The following ACAN variants were observed in gnomAD, a reference collection of about 807,000 sequenced individuals.
ACAN encodes aggrecan.
A neutral mutation model predicts 169.1 loss-of-function variants in ACAN; 47 were observed. The observed-to-expected ratio is 0.28, with a 90% CI of 0.22 to 0.35. The LOEUF (loss-of-function observed/expected upper bound fraction) is 0.35. ACAN is among the 10% of genes least tolerant of loss of function. ACAN has a pLI of 1.00. For synonymous variants in ACAN, 1,115 were observed against 1,112.2 expected, an observed-to-expected ratio of 1.00 and a Z score of -0.05; for missense variants, 2,716 against 2,759.9, an observed-to-expected ratio of 0.98 and a Z score of 0.36.
intron 2 of ACAN, among the ~76,000 whole-genome samples, chr15:88,837,481 G>A (rs1321656504): frequency 6.6e-6 from 1 of 152,172 alleles, no homozygotes; most frequent in East Asian, 1.9e-4. Context: ...GCCTTCATTT[G>A]TACTGTTGCT....
intron 1 of ACAN, among the ~76,000 whole-genome samples, chr15:88,823,732 A>T (rs1301620126): frequency 1.3e-5 from 2 of 152,004 alleles, no homozygotes; most frequent in East Asian, 3.9e-4. Context: ...CCTCTTGGAG[A>T]TGCAGCCTTC....
intron 1 of ACAN, among the ~76,000 whole-genome samples, chr15:88,828,431 G>A (rs1333852870): frequency 6.7e-6 from 1 of 148,842 alleles, no homozygotes; most frequent in Non-Finnish European, 1.5e-5. Flanking sequence ...CTTTTTTTTT[G>A]CTCCCCAGAG....
At position 88,866,291 on chromosome 15, in the gene ACAN, T is replaced by C. The variant is rs1785401773; in HGVS notation, c.6947-1925T>C. ...CCCAGAGGCCACTCCTGTTCCCTGC[T>C]CTGTACAACTGCTTTAGCACCTACA... On this transcript the variant is annotated intron_variant, in intron 13 of 18. Coordinates refer to ENST00000560601, the MANE Select transcript of ACAN (RefSeq NM_001369268.1). The surrounding 1 kb of genome is among the most constrained non-coding windows in gnomAD (Gnocchi z 5.6). Among the ~76,000 whole-genome samples the C allele has an allele frequency of 6.6e-6, 1 of 152,206 alleles. No homozygotes were observed. The highest frequency in any genetic ancestry group is 2.4e-5 in the African/African-American group (1 of 41,442).
intron 1 of ACAN, among the ~76,000 whole-genome samples, chr15:88,822,413 G>A (rs773121834): frequency 6.6e-6 from 1 of 152,070 alleles, no homozygotes; most frequent in African/African-American, 2.4e-5. Context: ...TAAGAACTGT[G>A]TCCATAGCTT....
intron 11 of ACAN, among the ~76,000 whole-genome samples, chr15:88,852,955 G>T (rs1896963620): frequency 6.6e-6 from 1 of 152,232 alleles, no homozygotes. Flanking sequence ...CATGGTTCCA[G>T]AGCAATTTGG....
chr15:88,857,092 A>G lies in ACAN; in HGVS notation c.4507A>G (p.Ile1503Val), dbSNP rs1897069460. 1.9e-6 allele frequency: 3 copies of G among 1,605,400 alleles called. No homozygotes were observed. The highest frequency in any genetic ancestry group is 1.1e-5 in the South Asian group (1 of 90,158). Residue 1503 changes from isoleucine (I) to valine (V), a missense_variant, in exon 12 of 19, where the codon ATA becomes GTA. Around this residue, in one of 3 missense-constraint regions of ACAN, gnomAD observed 1,389 missense variants for 1,363.7 expected, o/e 1.02. Coordinates refer to ENST00000560601, the MANE Select transcript of ACAN (RefSeq NM_001369268.1). ...GEVVETSASG[I>V]EDVSELPSGE... ...GGTTGTAGAGACTTCTGCCTCTGGA[A>G]TAGAGGATGTCAGTGAACTTCCTTC... is the stretch of plus-strand genomic sequence containing the variant.
In ACAN at chr15:88,873,465, T is replaced by C. The variant is rs1032930316; in HGVS notation, c.7448-377T>C. Among the ~76,000 whole-genome samples the C allele has an allele frequency of 6.6e-6, 1 of 152,304 alleles. No homozygotes were observed. Among genetic ancestry groups the C allele is most frequent in the African/African-American group, 2.4e-5 (1 of 41,568 alleles). On this transcript the variant is annotated intron_variant, in intron 17 of 18. Coordinates refer to ENST00000560601, the MANE Select transcript of ACAN (RefSeq NM_001369268.1). This position sits in a 1 kb window ranked among gnomAD's most constrained non-coding sequence, Gnocchi z 7.5. ...TGTGGACATTGAGGTGCTGGTAGGA[T>C]GCGCCCCACTGCCCCTGCTCACCAC... is the stretch of plus-strand genomic sequence containing the variant.
intron 1 of ACAN, among the ~76,000 whole-genome samples, chr15:88,831,628 T>G (rs1896367102): frequency 6.6e-6 from 1 of 152,240 alleles, no homozygotes. Flanking sequence ...AGTTCATTAA[T>G]GCTGGGAATT....
chr15:88,817,821 T>G (rs938283917), intron 1 of ACAN, among the ~76,000 whole-genome samples: 1 of 117,692 alleles, frequency 8.5e-6, no homozygotes, highest in African/African-American at 3.4e-5. Context: ...GCCACTGCAC[T>G]CCAGACTGCG....
At chr15:88,819,439 T>C (rs1390725888) in intron 1 of ACAN, among the ~76,000 whole-genome samples, 1 of 152,048 alleles carries the variant, frequency 6.6e-6, no homozygotes, top group Non-Finnish European at 1.5e-5. Context: ...ACTGAGCAAA[T>C]GTCTGTTAAT....
rs1284595986 is a variant in ACAN, at chr15:88,872,815, C to T, written c.7303-66C>T. 8.4e-6 allele frequency: 13 copies of T among 1,550,742 alleles called. No homozygotes were observed. In the East Asian group the frequency reaches 2.7e-4, roughly 32 times the overall value. On this transcript the variant is annotated intron_variant, in intron 16 of 18. Transcript: ENST00000560601. This position sits in a 1 kb window ranked among gnomAD's most constrained non-coding sequence, Gnocchi z 5.4. ...TGATGAAGAGGCTCCACGGGGAAGA[C>T]AGTCGGAGCAGGCCAACCCGCACTG...
chr15:88,871,857 G>T lies in ACAN; in HGVS notation c.7220-146G>T, dbSNP rs1897387499. 1 of 771,140 alleles carries T rather than the reference G, an allele frequency of 1.3e-6. No individual in the cohort carries two copies. The highest frequency in any genetic ancestry group is 2.2e-6 in the Non-Finnish European group (1 of 453,680). 47.8% of individuals were successfully genotyped at this position (771,140 alleles called of 1,614,324 possible). On this transcript the variant is annotated intron_variant, in intron 15 of 18. Transcript: ENST00000560601. This position sits in a 1 kb window ranked among gnomAD's most constrained non-coding sequence, Gnocchi z 7.8. ...CAGGCATGCACGTGCTGAGCCTCTT[G>T]TGAGGACCTGAGAAGCACGTGCCTT...
intron 13 of ACAN, among the ~76,000 whole-genome samples, chr15:88,867,578 G>A (rs1897300843): frequency 6.6e-6 from 1 of 152,152 alleles, no homozygotes; most frequent in African/African-American, 2.4e-5. Context: ...ATTTTTATAA[G>A]AGATTCTAAA....
Position 88,849,413 on chromosome 15 carries a change from T to C in ACAN, c.1733-25T>C. 1 of 1,548,222 alleles carries C rather than the reference T, an allele frequency of 6.5e-7. No homozygotes were observed. Among genetic ancestry groups the C allele is most frequent in the Non-Finnish European group, 8.7e-7 (1 of 1,144,692 alleles). Reference sequence around the variant, plus strand: ...CTGGCCTGAGTGTGGGGGGGTCATATTCTACCCCTTGCCTCTGCCCCCAGG... The same window carrying C: ...CTGGCCTGAGTGTGGGGGGGTCATACTCTACCCCTTGCCTCTGCCCCCAGG... On this transcript the variant is annotated intron_variant, in intron 9 of 18. Coordinates refer to ENST00000560601, the MANE Select transcript of ACAN (RefSeq NM_001369268.1). This position sits in a 1 kb window ranked among gnomAD's most constrained non-coding sequence, Gnocchi z 5.1.
intron 6 of ACAN, among the ~76,000 whole-genome samples, chr15:88,844,294 CTTTTT>C (rs71149235): frequency 9.6e-6 from 1 of 104,674 alleles, no homozygotes. Context: ...CCATGCTTTG[CTTTTT>C]TTTTTTTTTT....
At position 88,871,602 on chromosome 15, in the gene ACAN, C is replaced by G; in HGVS notation, c.7219+62C>G. ...GTGGCGGTGTAGGCAAAGGGCCTCA[C>G]CTTTCAGAAGGCAGCAGATTTGGGC... On this transcript the variant is annotated intron_variant, in intron 15 of 18. Coordinates refer to ENST00000560601, the MANE Select transcript of ACAN (RefSeq NM_001369268.1). The surrounding 1 kb of genome is among the most constrained non-coding windows in gnomAD (Gnocchi z 7.8). 6.5e-7 allele frequency: 1 copy of G among 1,536,472 alleles called. No individual in the cohort carries two copies. The highest frequency in any genetic ancestry group is 8.8e-7 in the Non-Finnish European group (1 of 1,141,580).
At chr15:88,842,517 CT>C (rs67238879) in intron 5 of ACAN, among the ~76,000 whole-genome samples, 75,420 of 148,290 alleles carry the variant, frequency 0.51, 19,235 homozygotes, top group Non-Finnish European at 0.57. Flanking sequence ...CCCATCCCCC[CT>C]CCCCCCTACC....
rs1897336907 is a variant in ACAN at position 88,869,635 on chromosome 15, C to T, written c.7060+1306C>T. Among the ~76,000 whole-genome samples the T allele has an allele frequency of 6.6e-6, 1 of 152,178 alleles. No individual in the cohort carries two copies. Among genetic ancestry groups the T allele is most frequent in the Admixed American group, 6.5e-5 (1 of 15,284 alleles). On this transcript the variant is annotated intron_variant, in intron 14 of 18. Transcript: ENST00000560601. The surrounding 1 kb of genome is among the most constrained non-coding windows in gnomAD (Gnocchi z 4.2). Reference sequence around the variant, plus strand: ...CCGACAACAGCTATTTGGTTCCAGACTGGAAAAGTGGGCTCTGCTGGAATG... The same window carrying T: ...CCGACAACAGCTATTTGGTTCCAGATTGGAAAAGTGGGCTCTGCTGGAATG...
chr15:88,859,505 G>T (rs1481080058), intron 12 of ACAN, 88 bp downstream of exon 12: 1 of 1,532,966 alleles, frequency 6.5e-7, no homozygotes, highest in Non-Finnish European at 8.8e-7. Context: ...ATAGCTTTAA[G>T]GTTCCAAGAA....
Sources: allele counts gnomAD v4.1 joint callset (sites outside exome capture counted in the v4.1 genomes callset), GRCh38; gene constraint gnomAD v4.1.1; regional missense constraint gnomAD v4.1.1; non-coding constraint Gnocchi (gnomAD v3.1); transcripts MANE v1.5; gene names NCBI Gene and HGNC (gene_info 2026-07-23, HGNC 2026-07-21).